The following SHROOM3 variants were observed in gnomAD, a reference collection of about 807,000 sequenced individuals.
SHROOM3 encodes shroom family member 3.
In SHROOM3, 47 loss-of-function variants were observed where a neutral mutation model predicts 138.6. The observed-to-expected ratio is 0.34, with a 90% confidence interval of 0.27 to 0.43. The LOEUF is 0.43. SHROOM3 is among the 20% of genes least tolerant of loss of function. The pLI is 1.00. For synonymous variants in SHROOM3, 1,062 were observed against 1,063.3 expected (o/e 1.00, Z 0.02); for missense variants, 2,491 against 2,596.5 (o/e 0.96, Z 0.88).
intron 10 of SHROOM3, 122 bp from the exon 11 acceptor site, chr4:76,778,687 G>A (rs986197433): frequency 1.5e-6 from 2 of 1,341,090 alleles, no homozygotes; most frequent in South Asian, 1.2e-5. Context: ...TCCTTACTTA[G>A]GAGTGACAAT....
intron 1 of SHROOM3, among the ~76,000 whole-genome samples, chr4:76,531,836 A>G (rs1732834072): frequency 6.6e-6 from 1 of 152,166 alleles, no homozygotes; most frequent in African/African-American, 2.4e-5. Context: ...ACTCCAGAAA[A>G]GTCAGGCCAT....
chr4:76,490,694 A>G (rs1731831233), intron 1 of SHROOM3, among the ~76,000 whole-genome samples: 1 of 152,218 alleles, frequency 6.6e-6, no homozygotes, highest in South Asian at 2.1e-4. Context: ...GTATTTCAGC[A>G]ATTGAAATCA....
In SHROOM3 at chr4:76,464,698, C is replaced by T. The variant is rs1481655201; in HGVS notation, c.168+28478C>T. On this transcript the variant is annotated intron_variant, in intron 1 of 10. Coordinates refer to ENST00000296043, the MANE Select transcript of SHROOM3 (RefSeq NM_020859.4). ...ATTGGATCATGGGGGTGGATTTCTC[C>T]CTTGCTATTCTCATGATAGTGAGTG... is the stretch of plus-strand genomic sequence containing the variant. Among the ~76,000 whole-genome samples the T allele has an allele frequency of 3.9e-5, 6 of 152,146 alleles. No homozygotes were observed. The East Asian group carries it at 9.7e-4, about 25-fold the overall frequency.
At chr4:76,734,380 T>C (rs1478718570) in intron 4 of SHROOM3, among the ~76,000 whole-genome samples, 1 of 152,206 alleles carries the variant, frequency 6.6e-6, no homozygotes, top group Non-Finnish European at 1.5e-5. Context: ...GTAAATAAAA[T>C]TGTTTAGCTT....
At chr4:76,703,103 G>A (rs889879814) in intron 2 of SHROOM3, among the ~76,000 whole-genome samples, 4 of 152,186 alleles carry the variant, frequency 2.6e-5, no homozygotes, top group African/African-American at 9.7e-5. Context: ...ATGGACAGAG[G>A]TTTGAGACAT....
intron 2 of SHROOM3, among the ~76,000 whole-genome samples, chr4:76,691,080 A>C (rs191406450): frequency 1.3e-4 from 20 of 152,300 alleles, no homozygotes; most frequent in Admixed American, 2.6e-4. Context: ...TCTCTCTACC[A>C]TTAAGGCGAG....
chr4:76,644,578 T>C (rs1329404345), intron 2 of SHROOM3, among the ~76,000 whole-genome samples: 1 of 152,076 alleles, frequency 6.6e-6, no homozygotes, highest in Non-Finnish European at 1.5e-5. Flanking sequence ...TTTTTTTTTT[T>C]TAACTTTTAT....
At chr4:76,558,073 C>T (rs1473801089) in intron 2 of SHROOM3, among the ~76,000 whole-genome samples, 1 of 152,166 alleles carries the variant, frequency 6.6e-6, no homozygotes, top group Non-Finnish European at 1.5e-5. Flanking sequence ...GTACTAATGG[C>T]AGAATCCACA....
intron 2 of SHROOM3, among the ~76,000 whole-genome samples, chr4:76,693,366 G>GTTTTTTTTTTTTTTTTTTTTT (rs1429298697): frequency 1.7e-5 from 1 of 60,100 alleles, no homozygotes; most frequent in African/African-American, 7.1e-5. Context: ...ATTTTGATAA[G>GTTTTTTTTTTTTTTTTTTTTT]TTTGTTTTTT....
At chr4:76,529,357 C>T (rs1196901190) in intron 1 of SHROOM3, among the ~76,000 whole-genome samples, 1 of 151,694 alleles carries the variant, frequency 6.6e-6, no homozygotes, top group Non-Finnish European at 1.5e-5. Context: ...CGCTCTGTTG[C>T]CCAGGCTGGA....
intron 9 of SHROOM3, among the ~76,000 whole-genome samples, chr4:76,768,903 C>T (rs997595292): frequency 1.3e-5 from 2 of 152,176 alleles, no homozygotes; most frequent in Admixed American, 6.5e-5. Flanking sequence ...AGAACTTAGA[C>T]ATTTCAAGGA....
At chr4:76,510,212 G>A (rs186182650) in intron 1 of SHROOM3, among the ~76,000 whole-genome samples, 50 of 152,178 alleles carry the variant, frequency 3.3e-4, no homozygotes, top group African/African-American at 9.9e-4. Flanking sequence ...TAGTACAAAC[G>A]TGTTGAAATC....
At position 76,740,344 on chromosome 4, in the gene SHROOM3, G is replaced by C. The variant is rs1015621928; in HGVS notation, c.2171G>C (p.Arg724Pro). ...SHLDRQVSYP[R>P]PEGRTGASAS... ...CTGGACCGGCAGGTTTCCTACCCGC[G>C]GCCCGAGGGGAGGACCGGTGCCTCG... The change falls in exon 5 of 11, where the codon CGG becomes CCG. Residue 724 changes from arginine (R) to proline (P), a missense_variant. Physicochemically the swap from Arg to Pro is moderately radical, Grantham distance 103. Around this residue, in one of 4 missense-constraint regions of SHROOM3, gnomAD observed 1,733 missense variants for 1,661.6 expected, o/e 1.04. Coordinates refer to ENST00000296043, the MANE Select transcript of SHROOM3 (RefSeq NM_020859.4). The surrounding 1 kb of genome is among the most constrained non-coding windows in gnomAD (Gnocchi z 4.0). 1.2e-5 allele frequency: 20 copies of C among 1,612,934 alleles called. No individual in the cohort carries two copies. The East Asian group carries it at 4.5e-4, about 36-fold the overall frequency.
chr4:76,512,846 G>C (rs577427715), intron 1 of SHROOM3, among the ~76,000 whole-genome samples: 2 of 152,284 alleles, frequency 1.3e-5, no homozygotes, highest in African/African-American at 4.8e-5. Flanking sequence ...GCTTTAAGGA[G>C]GAACTAGGGT....
At chr4:76,717,283 G>T (rs759013520) in intron 3 of SHROOM3, among the ~76,000 whole-genome samples, 8 of 152,012 alleles carry the variant, frequency 5.3e-5, no homozygotes, top group African/African-American at 9.7e-5. Context: ...TTTATCTTTG[G>T]TTTTCTGTAG....
chr4:76,436,340 T>G, intron 1 of SHROOM3, 120 bp downstream of exon 1: 1 of 1,057,324 alleles, frequency 9.5e-7, no homozygotes, highest in South Asian at 1.5e-5. Context: ...GTTTCATGCC[T>G]TTCTGATTAT....
At position 76,746,553 on chromosome 4, in the gene SHROOM3, A is replaced by C. The variant is rs541535879; in HGVS notation, c.3754-2464A>C. ...TCTATAATGTTTGCACAAGGACAAA[A>C]TTGCCTAATGATGCATTTCTCAGAA... is the stretch of plus-strand genomic sequence containing the variant. On this transcript the variant is annotated intron_variant, in intron 5 of 10. Coordinates refer to ENST00000296043, the MANE Select transcript of SHROOM3 (RefSeq NM_020859.4). 1.3e-3 allele frequency among the ~76,000 whole-genome samples: 194 copies of C among 152,272 alleles called. 1 individual carries two copies. The highest frequency in any genetic ancestry group is 2.3e-3 in the Non-Finnish European group (154 of 68,012).
Position 76,779,280 on chromosome 4 carries a change from G to A in SHROOM3, c.*103G>A. The stretch of plus-strand genomic sequence containing the variant: ...CACTGTTTGAACTATCTGGGTTATT[G>A]GTGTTTGTTCCTGATGAAAGGAAAA... On this transcript the variant is annotated 3_prime_UTR_variant, in exon 11 of 11. Coordinates refer to ENST00000296043, the MANE Select transcript of SHROOM3 (RefSeq NM_020859.4). 6.9e-7 allele frequency: 1 copy of A among 1,459,392 alleles called. No homozygotes were observed. Among genetic ancestry groups the A allele is most frequent in the Non-Finnish European group, 9.1e-7 (1 of 1,096,342 alleles). 90.4% of individuals were successfully genotyped at this position (1,459,392 alleles called of 1,614,324 possible).
At chr4:76,659,404 C>T (rs1413917918) in intron 2 of SHROOM3, among the ~76,000 whole-genome samples, 1 of 152,330 alleles carries the variant, frequency 6.6e-6, no homozygotes, top group East Asian at 1.9e-4. Flanking sequence ...GGAAAAAGTA[C>T]AGCCCATAGT....
Sources: allele counts gnomAD v4.1 joint callset (sites outside exome capture counted in the v4.1 genomes callset), GRCh38; gene constraint gnomAD v4.1.1; regional missense constraint gnomAD v4.1.1; non-coding constraint Gnocchi (gnomAD v3.1); transcripts MANE v1.5; gene names NCBI Gene and HGNC (gene_info 2026-07-23, HGNC 2026-07-21).